Variants in SYN3 observed in about 807,000 individuals in gnomAD.
SYN3 encodes synapsin III, also known as synapsin-3.
SYN3 carries 35 observed loss-of-function variants against 65.8 expected under a neutral mutation model. The ratio of observed to expected loss-of-function variants is 0.53; its 90% CI spans 0.41 to 0.70. The LOEUF (loss-of-function observed/expected upper bound fraction) is 0.70. Among genes scored for constraint, SYN3 ranks in the 30% least tolerant of loss-of-function variants. The pLI, the probability that SYN3 is intolerant of heterozygous loss-of-function variation, is 0.00. For synonymous variants in SYN3, 270 were observed against 292.9 expected (o/e 0.92, Z 0.80); for missense variants, 680 against 749.0 (o/e 0.91, Z 1.08).
chr22:32,674,748 C>T (rs2060417156), intron 6 of SYN3, among the ~76,000 whole-genome samples: 1 of 152,126 alleles, frequency 6.6e-6, no homozygotes, highest in African/African-American at 2.4e-5. Flanking sequence ...AAAGTACACG[C>T]CCTAGATGAT....
At chr22:32,552,171 G>A (rs973881734) in intron 7 of SYN3, among the ~76,000 whole-genome samples, 10 of 152,308 alleles carry the variant, frequency 6.6e-5, no homozygotes, top group African/African-American at 2.2e-4. Flanking sequence ...GCTTGAACCC[G>A]GGAGGCGGAG....
At chr22:32,993,012 G>A (rs1212410561) in intron 2 of SYN3, among the ~76,000 whole-genome samples, 1 of 152,110 alleles carries the variant, frequency 6.6e-6, no homozygotes, top group East Asian at 1.9e-4. Flanking sequence ...CTGTCCCAAA[G>A]TGCCCGCAGA....
intron 4 of SYN3, among the ~76,000 whole-genome samples, chr22:32,873,884 T>G (rs760808640): frequency 6.6e-5 from 10 of 151,956 alleles, no homozygotes; most frequent in Non-Finnish European, 1.3e-4. Context: ...CCCAGCATTT[T>G]GGGAGGCCAA....
At chr22:32,922,814 C>T (rs750782753) in intron 4 of SYN3, among the ~76,000 whole-genome samples, 1 of 152,128 alleles carries the variant, frequency 6.6e-6, no homozygotes, top group African/African-American at 2.4e-5. Flanking sequence ...GCTGCACACA[C>T]CACACAGACT....
intron 3 of SYN3, among the ~76,000 whole-genome samples, chr22:32,956,831 A>G (rs5994644): frequency 0.053 from 8,007 of 152,210 alleles, 715 homozygotes; most frequent in African/African-American, 0.18. Context: ...GTAATTCTAC[A>G]TTTAATTTTT....
chr22:32,954,911 G>A (rs546914788), intron 3 of SYN3, among the ~76,000 whole-genome samples: 1 of 150,182 alleles, frequency 6.7e-6, no homozygotes, highest in South Asian at 2.1e-4. Flanking sequence ...GTTCATCAAA[G>A]CTCTAAGAAA....
chr22:32,887,294 C>G (rs2049319979), intron 4 of SYN3, among the ~76,000 whole-genome samples: 1 of 152,006 alleles, frequency 6.6e-6, no homozygotes, highest in Non-Finnish European at 1.5e-5. Flanking sequence ...GGGAGGATCA[C>G]TTGAGCCCAA....
intron 4 of SYN3, among the ~76,000 whole-genome samples, chr22:32,871,044 C>A (rs1321489957): frequency 6.6e-6 from 1 of 152,196 alleles, no homozygotes; most frequent in Non-Finnish European, 1.5e-5. Flanking sequence ...GACATCCACT[C>A]CTCCCTGGCA....
intron 7 of SYN3, among the ~76,000 whole-genome samples, chr22:32,545,067 C>A (rs1203396168): frequency 6.6e-6 from 1 of 152,210 alleles, no homozygotes; most frequent in Admixed American, 6.5e-5. Flanking sequence ...GGTGTATGAA[C>A]TTCCAGGCTG....
chr22:32,828,893 C>T (rs2047490252), intron 6 of SYN3, among the ~76,000 whole-genome samples: 4 of 152,144 alleles, frequency 2.6e-5, no homozygotes, highest in Admixed American at 1.3e-4. Context: ...AGGAAATTCA[C>T]ACTCTTCCTC....
At chr22:32,690,979 T>C (rs2060654115) in intron 6 of SYN3, among the ~76,000 whole-genome samples, 1 of 152,114 alleles carries the variant, frequency 6.6e-6, no homozygotes. Flanking sequence ...GGGGAGGCTG[T>C]GGGCTCAGGC....
At chr22:32,902,198 T>A (rs1483898235) in intron 4 of SYN3, among the ~76,000 whole-genome samples, 1 of 152,222 alleles carries the variant, frequency 6.6e-6, no homozygotes, top group Non-Finnish European at 1.5e-5. Flanking sequence ...GTTCTGGGGA[T>A]AAATTCTTAA....
At chr22:32,604,096 C>T (rs981209146) in intron 6 of SYN3, among the ~76,000 whole-genome samples, 1 of 152,232 alleles carries the variant, frequency 6.6e-6, no homozygotes, top group African/African-American at 2.4e-5. Context: ...GTCAGAGAAA[C>T]AGGACTTTAG....
intron 7 of SYN3, among the ~76,000 whole-genome samples, chr22:32,573,711 G>A (rs1402988684): frequency 6.6e-6 from 1 of 151,020 alleles, no homozygotes; most frequent in African/African-American, 2.4e-5. Context: ...ACTCTGTTTT[G>A]GTGGTACAAC....
chr22:32,834,878 C>T (rs1038409049), intron 6 of SYN3, among the ~76,000 whole-genome samples: 1 of 152,150 alleles, frequency 6.6e-6, no homozygotes, highest in Non-Finnish European at 1.5e-5. Flanking sequence ...CCTAAAGAAT[C>T]CTCCATTCAA....
chr22:32,623,173 C>CT (rs1012644228), intron 6 of SYN3, among the ~76,000 whole-genome samples: 23 of 145,796 alleles, frequency 1.6e-4, no homozygotes, highest in South Asian at 4.5e-4. Context: ...ATAGTTTTTG[C>CT]TTTTTTTTTT....
intron 10 of SYN3, 67 bp downstream of exon 10, chr22:32,533,726 G>A: frequency 8.9e-7 from 1 of 1,117,718 alleles, no homozygotes; most frequent in Non-Finnish European, 1.3e-6. Flanking sequence ...ACCATGCAGG[G>A]ATTCCCTCCC....
chr22:32,940,215 T>G (rs2050896044), intron 3 of SYN3, among the ~76,000 whole-genome samples: 1 of 152,174 alleles, frequency 6.6e-6, no homozygotes, highest in South Asian at 2.1e-4. Flanking sequence ...TGCATTTATC[T>G]TATTAATTTA....
chr22:32,768,344 G>T (rs1418084796), intron 6 of SYN3, among the ~76,000 whole-genome samples: 1 of 152,098 alleles, frequency 6.6e-6, no homozygotes, highest in Admixed American at 6.5e-5. Context: ...CCCTTTCTCT[G>T]CCTTCTTTGA....
Sources: allele counts gnomAD v4.1 joint callset (sites outside exome capture counted in the v4.1 genomes callset), GRCh38; gene constraint gnomAD v4.1.1; transcripts MANE v1.5; gene names NCBI Gene and HGNC (gene_info 2026-07-23, HGNC 2026-07-21).